The following RIMS3 variants were observed in gnomAD, a reference collection of about 807,000 sequenced individuals.
RIMS3 encodes the protein regulating synaptic membrane exocytosis protein 3.
In RIMS3, 15 loss-of-function variants were observed where a neutral mutation model predicts 29.2. The observed-to-expected ratio is 0.51, with a 90% CI of 0.34 to 0.79. The LOEUF (loss-of-function observed/expected upper bound fraction) is 0.79. RIMS3 is among the 30% of genes least tolerant of loss of function. The pLI is 0.01. For missense variants in RIMS3, 342 were observed against 421.4 expected (o/e 0.81, Z 1.65); for synonymous variants, 161 against 170.1 (o/e 0.95, Z 0.41).
intron 3 of RIMS3, among the ~76,000 whole-genome samples, chr1:40,639,414 G>C (rs1045464311): frequency 6.6e-6 from 1 of 152,218 alleles, no homozygotes; most frequent in East Asian, 1.9e-4. Flanking sequence ...GGAGAGGAAC[G>C]TGCTACAGGG....
the RIMS3 span, chr1:40,690,922 G>C: frequency 2.0e-5 from 3 of 152,302 alleles, no homozygotes; most frequent in Admixed American, 1.3e-4. Flanking sequence ...ATACCTACAG[G>C]TTTTGAAGTT....
chr1:40,669,373 A>T (rs1642464155), upstream of RIMS3: 1 of 152,332 alleles, frequency 6.6e-6, no homozygotes, highest in South Asian at 2.1e-4. Flanking sequence ...CTCTTAATGT[A>T]ATAAAGCCAA....
At chr1:40,679,333 A>G in the RIMS3 span, among the ~76,000 whole-genome samples, 7 of 152,280 alleles carry the variant, frequency 4.6e-5, no homozygotes, top group African/African-American at 1.2e-4. Flanking sequence ...TGTACTTCCC[A>G]TTGACCAAAT....
intron 2 of RIMS3, among the ~76,000 whole-genome samples, chr1:40,643,478 C>CCT (rs1646573689): frequency 7.5e-6 from 1 of 133,602 alleles, no homozygotes; most frequent in Non-Finnish European, 1.6e-5. Context: ...ATCTTTCTCT[C>CCT]TTTTTTTTTT....
chr1:40,656,189 A>G (rs1041666114), intron 1 of RIMS3, among the ~76,000 whole-genome samples: 2 of 152,050 alleles, frequency 1.3e-5, no homozygotes, highest in African/African-American at 4.8e-5. Context: ...AGCCAAGAAC[A>G]GGCCTCTACA....
chr1:40,669,548 C>T (rs1028248852), upstream of RIMS3: 1 of 152,228 alleles, frequency 6.6e-6, no homozygotes, highest in Non-Finnish European at 1.5e-5. Context: ...ACTCATTCAC[C>T]CCAGGAAGCG....
At chr1:40,689,198 T>C in the RIMS3 span, among the ~76,000 whole-genome samples, 17 of 152,380 alleles carry the variant, frequency 1.1e-4, 2 homozygotes, top group East Asian at 3.3e-3. Flanking sequence ...ATTTAGGACA[T>C]GCTGCTCTTG....
chr1:40,646,547 T>C (rs954601333), intron 2 of RIMS3, among the ~76,000 whole-genome samples: 5 of 152,134 alleles, frequency 3.3e-5, no homozygotes, highest in Non-Finnish European at 7.4e-5. Flanking sequence ...CGTCCTATGA[T>C]CCCAGTGAGT....
chr1:40,664,667 G>C (rs1050436748), intron 1 of RIMS3, among the ~76,000 whole-genome samples: 8 of 152,116 alleles, frequency 5.3e-5, no homozygotes, highest in Admixed American at 2.6e-4. Context: ...TCCTTCCTGA[G>C]CCTTCAGGAC....
intron 1 of RIMS3, among the ~76,000 whole-genome samples, chr1:40,649,629 C>T (rs535415108): frequency 2.6e-5 from 4 of 152,320 alleles, no homozygotes; most frequent in East Asian, 1.9e-4. Context: ...CACACCACAG[C>T]CCCCAATCTC....
rs183935914 is a variant in RIMS3, at chr1:40,637,473, C to A, written c.218-1416G>T. ...CATATTCAGGAATCCATGACACCAT[C>A]AACATGTCAGTCTGTCTCTCTCATA... On this transcript the variant is annotated intron_variant, in intron 3 of 7. Coordinates refer to ENST00000372684, the MANE Select transcript of RIMS3 (RefSeq NM_014747.3). Among the ~76,000 whole-genome samples the A allele has an allele frequency of 9.9e-4, 150 of 152,278 alleles. 2 individuals are homozygous for A. In the East Asian group the frequency reaches 0.02, roughly 20 times the overall value.
At position 40,636,101 on chromosome 1, in the gene RIMS3, G is replaced by C. The variant is rs755865208; in HGVS notation, c.218-44C>G. On this transcript the variant is annotated intron_variant, in intron 3 of 7. Transcript: ENST00000372684. The surrounding 1 kb of genome is among the most constrained non-coding windows in gnomAD (Gnocchi z 4.2). ...CAAGCACAGAGAGGGAACAAGGTCA[G>C]ATTATGAATGGGGCTTCTCTAAGAG... The C allele has an allele frequency of 1.6e-5, 26 of 1,597,774 alleles. No individual in the cohort carries two copies. In the South Asian group the frequency reaches 2.9e-4, roughly 18 times the overall value.
At chr1:40,676,635 TA>T in the RIMS3 span, among the ~76,000 whole-genome samples, 3 of 152,060 alleles carry the variant, frequency 2.0e-5, no homozygotes, top group African/African-American at 2.4e-5. Flanking sequence ...AAATCTGCTC[TA>T]AAAAAAAGTG....
upstream of RIMS3, among the ~76,000 whole-genome samples, chr1:40,666,553 T>G (rs518312): frequency 6.6e-6 from 1 of 152,108 alleles, no homozygotes; most frequent in Non-Finnish European, 1.5e-5. Context: ...GGATACTGTA[T>G]GAAGTCTTTC....
the RIMS3 span, chr1:40,691,643 G>A: frequency 2.3e-6 from 1 of 430,316 alleles, no homozygotes; most frequent in Middle Eastern, 3.6e-4. Context: ...CAGCTTCTGC[G>A]CACCGCACGA....
At chr1:40,676,381 G>C in the RIMS3 span, among the ~76,000 whole-genome samples, 1 of 152,140 alleles carries the variant, frequency 6.6e-6, no homozygotes, top group Non-Finnish European at 1.5e-5. Context: ...TGACATCCTG[G>C]CTCCCAAAAT....
chr1:40,660,481 G>A lies in RIMS3; in HGVS notation c.-207+4913C>T, dbSNP rs569858323. ...TAGCTTCAACTTCTCAGGCTCAAGCGATCCTCCCACCTCAGCCCCCCAAGC... is the reference window on the plus strand; with the variant it reads ...TAGCTTCAACTTCTCAGGCTCAAGCAATCCTCCCACCTCAGCCCCCCAAGC... On this transcript the variant is annotated intron_variant, in intron 1 of 7. Transcript: ENST00000372684. Among the ~76,000 whole-genome samples the A allele has an allele frequency of 4.0e-5, 6 of 151,278 alleles. No individual in the cohort carries two copies. The South Asian group carries it at 1.0e-3, about 26-fold the overall frequency.
At chr1:40,637,905 A>C (rs1646531194) in intron 3 of RIMS3, among the ~76,000 whole-genome samples, 1 of 152,226 alleles carries the variant, frequency 6.6e-6, no homozygotes, top group East Asian at 1.9e-4. Context: ...ATTAGAAAAC[A>C]GATGGGTCTG....
In RIMS3 at chr1:40,630,849, G is replaced by A. The variant is rs182431260; in HGVS notation, c.473-1477C>T. Among the ~76,000 whole-genome samples, 410 of 152,314 alleles carry A rather than the reference G, an allele frequency of 2.7e-3. 1 individual carries two copies. Among genetic ancestry groups the A allele is most frequent in the Middle Eastern group, 0.017 (5 of 294 alleles). ...AGACCCTTAAGAGACTGAAAACAAGGGTCCAGCCCTAGAATTGGATTTGGC... is the reference window on the plus strand; with the variant it reads ...AGACCCTTAAGAGACTGAAAACAAGAGTCCAGCCCTAGAATTGGATTTGGC... On this transcript the variant is annotated intron_variant, in intron 5 of 7. Coordinates refer to ENST00000372684, the MANE Select transcript of RIMS3 (RefSeq NM_014747.3).
Sources: gnomAD v4.1 joint callset for allele counts (sites outside exome capture counted in the v4.1 genomes callset) on GRCh38, gnomAD v4.1.1 for gene constraint, Gnocchi (gnomAD v3.1) non-coding constraint, MANE v1.5 for transcripts, NCBI Gene and HGNC (gene_info 2026-07-23, HGNC 2026-07-21) for gene names.